The following TRPC5 variants were observed in gnomAD, a reference collection of about 807,000 sequenced individuals.
The protein encoded by TRPC5 is short transient receptor potential channel 5.
Under a neutral mutation model 56.5 loss-of-function variants are expected in TRPC5, and 9 were observed. The observed-to-expected ratio is 0.16, with a 90% CI of 0.10 to 0.28. The LOEUF (loss-of-function observed/expected upper bound fraction) is 0.28. Among genes scored for constraint, TRPC5 ranks in the 10% least tolerant of loss-of-function variants. The pLI is 1.00. For missense variants in TRPC5, 469 were observed against 748.9 expected (o/e 0.63, Z 4.36); for synonymous variants, 282 against 278.5 (o/e 1.01, Z -0.13).
At chrX:111,975,785 T>C (rs1927908171) in intron 1 of TRPC5, among the ~76,000 whole-genome samples, 1 of 111,813 alleles carries the variant, frequency 8.9e-6, no homozygotes, top group Admixed American at 9.5e-5. Context: ...GCGCCTGTAG[T>C]CCCAGCTACT....
chrX:111,834,786 G>A, intron 7 of TRPC5, 135 bp downstream of exon 7: 3 of 479,912 alleles, frequency 6.3e-6, no homozygotes, highest in Non-Finnish European at 1.0e-5. Context: ...AAATAATTCA[G>A]TCTAACAACT....
At position 111,884,198 on chromosome X, in the gene TRPC5, T is replaced by G. The variant is rs185518973; in HGVS notation, c.900+28093A>C. On this transcript the variant is annotated intron_variant, in intron 3 of 10. Transcript: ENST00000262839. ...CCACAGTGTAAGCCTAATTAAAAGC[T>G]AACTGACTTGGTTAAGGTATTATCA... Among the ~76,000 whole-genome samples the G allele has an allele frequency of 3.4e-3, 379 of 112,779 alleles. 2 individuals are homozygous for G. The highest frequency in any genetic ancestry group is 0.012 in the African/African-American group (370 of 31,123).
intron 3 of TRPC5, among the ~76,000 whole-genome samples, chrX:111,889,793 G>C (rs1924714104): frequency 8.9e-6 from 1 of 111,897 alleles, no homozygotes; most frequent in South Asian, 3.7e-4. Flanking sequence ...AAATAGAGAA[G>C]TTAGAAAGCA....
In TRPC5 at chrX:111,768,122, C is replaced by A. The variant is rs1417702134; in HGVS notation, c.*8191G>T. On this transcript the variant is annotated 3_prime_UTR_variant, in exon 11 of 11. Coordinates refer to ENST00000262839, the MANE Select transcript of TRPC5 (RefSeq NM_012471.3). ...AATACATTAAGATTGACACTGTGCACTTACAGAAAGTGTTTAAATAAAAGT... is the reference window on the plus strand; with the variant it reads ...AATACATTAAGATTGACACTGTGCAATTACAGAAAGTGTTTAAATAAAAGT... Among the ~76,000 whole-genome samples the A allele has an allele frequency of 8.9e-6, 1 of 112,301 alleles. No homozygotes were observed. The highest frequency in any genetic ancestry group is 3.2e-5 in the African/African-American group (1 of 30,971).
At chrX:111,841,142 G>T (rs978542977) in intron 6 of TRPC5, among the ~76,000 whole-genome samples, 3 of 112,091 alleles carry the variant, frequency 2.7e-5, no homozygotes, top group African/African-American at 9.7e-5. Context: ...AACAAGATAG[G>T]AAAATATTGG....
chrX:112,002,765 T>C (rs1341039187), intron 1 of TRPC5, among the ~76,000 whole-genome samples: 4 of 112,177 alleles, frequency 3.6e-5, no homozygotes, highest in Non-Finnish European at 5.6e-5. Context: ...ATACACAACA[T>C]GCTTTAAACA....
chrX:111,920,863 C>T (rs1235812159), intron 2 of TRPC5, among the ~76,000 whole-genome samples: 1 of 111,747 alleles, frequency 8.9e-6, no homozygotes, highest in African/African-American at 3.3e-5. Flanking sequence ...TGGCTCTGTA[C>T]ATAAGGTTTC....
At chrX:111,785,032 G>T (rs1008262453) in intron 7 of TRPC5, among the ~76,000 whole-genome samples, 4 of 112,367 alleles carry the variant, frequency 3.6e-5, no homozygotes, top group African/African-American at 1.3e-4. Context: ...AGACTTAAAC[G>T]TCCCTGTCTG....
At chrX:111,963,045 C>T (rs899610366) in intron 1 of TRPC5, among the ~76,000 whole-genome samples, 15 of 112,190 alleles carry the variant, frequency 1.3e-4, no homozygotes, top group East Asian at 2.8e-4. Context: ...ACTCGGACAG[C>T]GCAAGGGGTC....
chrX:111,855,548 A>G (rs748796663), intron 3 of TRPC5, among the ~76,000 whole-genome samples: 2 of 111,948 alleles, frequency 1.8e-5, no homozygotes, highest in African/African-American at 6.5e-5. Context: ...GCCATTATAT[A>G]TTTTGGAGTC....
intron 7 of TRPC5, among the ~76,000 whole-genome samples, chrX:111,808,088 C>T (rs377618074): frequency 4.5e-5 from 5 of 110,060 alleles, no homozygotes; most frequent in African/African-American, 1.3e-4. Context: ...GAAACCAGCA[C>T]AGCACTGGCT....
chrX:111,871,321 ATT>A (rs57494463), intron 3 of TRPC5, among the ~76,000 whole-genome samples: 2 of 104,687 alleles, frequency 1.9e-5, no homozygotes, highest in African/African-American at 6.9e-5. Context: ...ATTTTCATGC[ATT>A]TTTTTTTTTA....
chrX:111,878,084 G>A (rs1924040649), intron 3 of TRPC5, among the ~76,000 whole-genome samples: 1 of 110,633 alleles, frequency 9.0e-6, no homozygotes, highest in South Asian at 3.9e-4. Context: ...GTGAGGAGAA[G>A]GGAAAGAGTA....
At chrX:111,922,451 G>C (rs1338671307) in intron 2 of TRPC5, among the ~76,000 whole-genome samples, 1 of 111,951 alleles carries the variant, frequency 8.9e-6, no homozygotes, top group Non-Finnish European at 1.9e-5. Flanking sequence ...TAACATGCCA[G>C]ATAAAATCAG....
intron 3 of TRPC5, among the ~76,000 whole-genome samples, chrX:111,893,824 A>G (rs1859879): frequency 0.17 from 18,653 of 111,306 alleles, 2,825 homozygotes; most frequent in African/African-American, 0.49. Flanking sequence ...TATTTTTTTA[A>G]AGGCAAAAGT....
chrX:111,964,789 C>T (rs1272327296), intron 1 of TRPC5, among the ~76,000 whole-genome samples: 3 of 111,197 alleles, frequency 2.7e-5, no homozygotes, highest in African/African-American at 9.8e-5. Context: ...GATTTTGTCA[C>T]CACCAGGCCT....
intron 1 of TRPC5, among the ~76,000 whole-genome samples, chrX:111,977,504 A>T (rs1180318945): frequency 8.9e-6 from 1 of 112,225 alleles, no homozygotes; most frequent in Non-Finnish European, 1.9e-5. Flanking sequence ...ACGTGAAACT[A>T]CAAAACTGCT....
At chrX:111,815,917 A>G (rs1303761676) in intron 7 of TRPC5, among the ~76,000 whole-genome samples, 1 of 111,296 alleles carries the variant, frequency 9.0e-6, no homozygotes, top group Non-Finnish European at 1.9e-5. Context: ...ATGTAGCAAA[A>G]TGAACCAAGT....
intron 1 of TRPC5, among the ~76,000 whole-genome samples, chrX:112,074,743 G>A (rs1211967938): frequency 8.9e-6 from 1 of 111,961 alleles, no homozygotes; most frequent in Non-Finnish European, 1.9e-5. Context: ...TTCCTAGAGG[G>A]AAAAGGAAGG....
Sources: gnomAD v4.1 joint callset for allele counts (sites outside exome capture counted in the v4.1 genomes callset) on GRCh38, gnomAD v4.1.1 for gene constraint, MANE v1.5 for transcripts, NCBI Gene and HGNC (gene_info 2026-07-23, HGNC 2026-07-21) for gene names.